The following BABAM2 variants were observed in gnomAD, a reference collection of about 807,000 sequenced individuals.
The protein encoded by BABAM2 is BRISC and BRCA1-A complex member 2.
BABAM2 carries 31 observed loss-of-function variants against 54.7 expected under a neutral mutation model. That is an observed-to-expected ratio of 0.57 (90% confidence interval 0.43 to 0.77). The LOEUF (loss-of-function observed/expected upper bound fraction) is 0.77, where lower values mean the gene tolerates loss of function less well. Among genes scored for constraint, BABAM2 ranks in the 30% least tolerant of loss-of-function variants. The pLI, the probability that BABAM2 is intolerant of heterozygous loss-of-function variation, is 0.00. For missense variants in BABAM2, 364 were observed against 455.8 expected (o/e 0.80, Z 1.83); for synonymous variants, 167 against 162.9 (o/e 1.03, Z -0.19).
chr2:28,317,732 G>A (rs186956669), intron 11 of BABAM2, among the ~76,000 whole-genome samples: 1 of 152,318 alleles, frequency 6.6e-6, no homozygotes, highest in Admixed American at 6.5e-5. Flanking sequence ...TTGACTAGCT[G>A]CTGACTGGAA....
At chr2:28,320,038 C>A (rs1453660359) in intron 11 of BABAM2, among the ~76,000 whole-genome samples, 1 of 152,114 alleles carries the variant, frequency 6.6e-6, no homozygotes, top group African/African-American at 2.4e-5. Context: ...GTGGGTGCTG[C>A]AGTGTTGTGG....
chr2:28,313,104 G>T (rs773758209), intron 11 of BABAM2, among the ~76,000 whole-genome samples: 1 of 152,218 alleles, frequency 6.6e-6, no homozygotes, highest in Admixed American at 6.5e-5. Flanking sequence ...GGCCTGGCAT[G>T]GGTGCCTTCT....
intron 6 of BABAM2, among the ~76,000 whole-genome samples, chr2:28,059,388 C>G (rs1678685975): frequency 6.6e-6 from 1 of 152,052 alleles, no homozygotes; most frequent in Non-Finnish European, 1.5e-5. Flanking sequence ...ATGTGTGAAT[C>G]CCAGAAATAA....
At chr2:28,240,699 G>A (rs908294452) in intron 8 of BABAM2, among the ~76,000 whole-genome samples, 6 of 151,654 alleles carry the variant, frequency 4.0e-5, no homozygotes, top group Non-Finnish European at 7.4e-5. Flanking sequence ...GTGAAACCTC[G>A]TCTCTACTAA....
intron 2 of BABAM2, among the ~76,000 whole-genome samples, chr2:27,913,185 T>C (rs1666730670): frequency 6.6e-6 from 1 of 152,202 alleles, no homozygotes; most frequent in Non-Finnish European, 1.5e-5. Context: ...ATACAAGGCT[T>C]GACTCTTTTA....
rs755345782 is a variant in BABAM2 at position 27,894,001 on chromosome 2, AAG to A, written c.-24-530_-24-529del. 2.2e-4 allele frequency among the ~76,000 whole-genome samples: 33 copies of A among 148,782 alleles called. 8 individuals carry two copies. The highest frequency in any genetic ancestry group is 2.7e-4 in the Admixed American group (4 of 14,958). On this transcript the variant is annotated intron_variant, in intron 1 of 11. Coordinates refer to ENST00000379624, the MANE Select transcript of BABAM2 (RefSeq NM_199191.3). ...GAGTGAGACTCTGTCGCAAAAAAAA[AAG>A]AAAAAAAAAGAAAGATATATCAGCA...
At position 28,026,137 on chromosome 2, in the gene BABAM2, G is replaced by A. The variant is rs746186529; in HGVS notation, c.495+717G>A. Among the ~76,000 whole-genome samples, 241 of 152,160 alleles carry A rather than the reference G, an allele frequency of 1.6e-3. 6 individuals are homozygous for A. Among genetic ancestry groups the A allele is most frequent in the Non-Finnish European group, 3.8e-4 (26 of 68,030 alleles). On this transcript the variant is annotated intron_variant, in intron 5 of 11. Coordinates refer to ENST00000379624, the MANE Select transcript of BABAM2 (RefSeq NM_199191.3). ...GAATGCTTTTACACTGTTGGTGGGA[G>A]TGTAAATTAGTTCAACCATTGTGGA... is the stretch of plus-strand genomic sequence containing the variant.
intron 4 of BABAM2, among the ~76,000 whole-genome samples, chr2:28,024,246 T>C (rs1263849247): frequency 6.6e-6 from 1 of 151,534 alleles, no homozygotes; most frequent in African/African-American, 2.4e-5. Context: ...CTACTAAAAA[T>C]ACAAAAAAAA....
chr2:28,270,050 A>G (rs1385400785), intron 10 of BABAM2, among the ~76,000 whole-genome samples: 1 of 152,144 alleles, frequency 6.6e-6, no homozygotes, highest in Non-Finnish European at 1.5e-5. Context: ...ATTTTATTAG[A>G]AATTATTTTA....
chr2:28,026,949 A>AATATATATAT (rs1270629453), intron 5 of BABAM2, among the ~76,000 whole-genome samples: 1 of 3,264 alleles, frequency 3.1e-4, no homozygotes, highest in Non-Finnish European at 5.7e-3. Context: ...AATATATATT[A>AATATATATAT]ATATATATAA....
intron 11 of BABAM2, among the ~76,000 whole-genome samples, chr2:28,318,482 C>A (rs1003837580): frequency 1.3e-5 from 2 of 152,170 alleles, no homozygotes; most frequent in Admixed American, 1.3e-4. Flanking sequence ...GATCCCTGAA[C>A]TAGATAATCT....
Position 28,227,345 on chromosome 2 carries a change from G to A in BABAM2, c.681-9857G>A, listed in dbSNP as rs11900325. Among the ~76,000 whole-genome samples, 1,399 of 152,178 alleles carry A rather than the reference G, an allele frequency of 9.2e-3. 13 individuals are homozygous for A. The highest frequency in any genetic ancestry group is 0.031 in the African/African-American group (1,305 of 41,530). On this transcript the variant is annotated intron_variant, in intron 7 of 11. Transcript: ENST00000379624. Reference sequence around the variant, plus strand: ...ATATGAAATATGCCTTTCTCAATGGGCAAAAAGCTGCTCGGTGTGGTGCAG... The same window carrying A: ...ATATGAAATATGCCTTTCTCAATGGACAAAAAGCTGCTCGGTGTGGTGCAG...
intron 5 of BABAM2, among the ~76,000 whole-genome samples, chr2:28,037,699 T>C (rs1676764153): frequency 6.6e-6 from 1 of 152,198 alleles, no homozygotes; most frequent in African/African-American, 2.4e-5. Flanking sequence ...TTCTCCACAG[T>C]ATTGTCAACA....
At chr2:28,333,143 T>G (rs1368384449) in intron 11 of BABAM2, among the ~76,000 whole-genome samples, 1 of 151,984 alleles carries the variant, frequency 6.6e-6, no homozygotes, top group Non-Finnish European at 1.5e-5. Context: ...TTATGCCAGG[T>G]ACCATGCCAA....
chr2:27,989,013 T>C (rs561330323), intron 4 of BABAM2, among the ~76,000 whole-genome samples: 32 of 152,312 alleles, frequency 2.1e-4, no homozygotes, highest in African/African-American at 7.0e-4. Flanking sequence ...ACCTAAAGTA[T>C]TGTCTTAAAC....
At chr2:27,981,134 C>A (rs1170928988) in intron 3 of BABAM2, among the ~76,000 whole-genome samples, 1 of 151,966 alleles carries the variant, frequency 6.6e-6, no homozygotes, top group Non-Finnish European at 1.5e-5. Flanking sequence ...AAGATCTTTG[C>A]AAGTATTTAT....
At chr2:27,930,213 C>CCTG in intron 3 of BABAM2, 1 of 225,126 alleles carries the variant, frequency 4.4e-6, no homozygotes. Flanking sequence ...GAGTCCACTG[C>CCTG]TTTAGAATAC....
intron 7 of BABAM2, among the ~76,000 whole-genome samples, chr2:28,167,063 G>C (rs913855149): frequency 6.6e-6 from 1 of 152,204 alleles, no homozygotes; most frequent in African/African-American, 2.4e-5. Context: ...AGAGAAAAAG[G>C]TTCTTGATTG....
At chr2:27,942,171 T>C (rs1245459153) in intron 3 of BABAM2, among the ~76,000 whole-genome samples, 4 of 152,294 alleles carry the variant, frequency 2.6e-5, no homozygotes, top group African/African-American at 9.6e-5. Context: ...GCAGAGACAC[T>C]GTGGGGCTTG....
Sources: allele counts gnomAD v4.1 joint callset (sites outside exome capture counted in the v4.1 genomes callset), GRCh38; gene constraint gnomAD v4.1.1; transcripts MANE v1.5; gene names NCBI Gene and HGNC (gene_info 2026-07-23, HGNC 2026-07-21).